The following LRRC4C variants were observed in gnomAD, a reference collection of about 807,000 sequenced individuals.
LRRC4C encodes leucine rich repeat containing 4C.
In LRRC4C, 5 loss-of-function variants were observed where a neutral mutation model predicts 33.6. That is an observed-to-expected ratio of 0.15 (90% CI 0.08 to 0.31). The LOEUF is 0.31. LRRC4C is among the 10% of genes least tolerant of loss of function. LRRC4C has a pLI of 1.00. For missense variants in LRRC4C, 560 were observed against 796.7 expected, an observed-to-expected ratio of 0.70 and a Z score of 3.58; for synonymous variants, 329 against 302.0, an observed-to-expected ratio of 1.09 and a Z score of -0.93.
At chr11:40,466,157 C>G (rs773927483) in intron 3 of LRRC4C, among the ~76,000 whole-genome samples, 32 of 151,996 alleles carry the variant, frequency 2.1e-4, no homozygotes, top group Admixed American at 7.9e-4. Flanking sequence ...TGAAACAACT[C>G]AAAAACAGAA....
At chr11:40,818,974 T>C (rs1474328959) in intron 2 of LRRC4C, among the ~76,000 whole-genome samples, 2 of 152,128 alleles carry the variant, frequency 1.3e-5, no homozygotes, top group Admixed American at 1.3e-4. Flanking sequence ...ATATGGATAA[T>C]GCCTATATAT....
intron 1 of LRRC4C, among the ~76,000 whole-genome samples, chr11:41,127,162 C>T (rs1942784009): frequency 1.3e-5 from 2 of 151,656 alleles, no homozygotes; most frequent in South Asian, 2.1e-4. Flanking sequence ...GCTAATAATT[C>T]TTATATTTAT....
At chr11:40,442,495 A>G (rs533533206) in intron 3 of LRRC4C, among the ~76,000 whole-genome samples, 1 of 152,310 alleles carries the variant, frequency 6.6e-6, no homozygotes, top group Non-Finnish European at 1.5e-5. Context: ...GATAAGATAA[A>G]TGCTAGGATA....
intron 1 of LRRC4C, among the ~76,000 whole-genome samples, chr11:41,349,990 G>T (rs1951922892): frequency 6.6e-6 from 1 of 152,092 alleles, no homozygotes. Flanking sequence ...ATAAAAGACA[G>T]CCAGATCCTC....
At chr11:40,525,242 C>CGA (rs1361090076) in intron 3 of LRRC4C, among the ~76,000 whole-genome samples, 1 of 151,992 alleles carries the variant, frequency 6.6e-6, no homozygotes, top group African/African-American at 2.4e-5. Context: ...GTCAGGAGAT[C>CGA]GAGACCATCC....
chr11:40,323,732 A>G (rs1945965633), intron 3 of LRRC4C, among the ~76,000 whole-genome samples: 1 of 152,188 alleles, frequency 6.6e-6, no homozygotes, highest in African/African-American at 2.4e-5. Context: ...TGGACAGAAC[A>G]CTGTGCTAAA....
intron 2 of LRRC4C, among the ~76,000 whole-genome samples, chr11:40,875,847 G>T (rs1055577227): frequency 2.0e-5 from 3 of 152,032 alleles, no homozygotes; most frequent in Non-Finnish European, 4.4e-5. Context: ...TAATATATAT[G>T]AAATGTTATA....
At chr11:41,107,807 G>A (rs1941595333) in intron 1 of LRRC4C, among the ~76,000 whole-genome samples, 1 of 152,006 alleles carries the variant, frequency 6.6e-6, no homozygotes, top group African/African-American at 2.4e-5. Flanking sequence ...GTGTGTTGAT[G>A]GCACCTGTAT....
At chr11:40,746,030 T>C (rs1948399840) in intron 2 of LRRC4C, among the ~76,000 whole-genome samples, 1 of 152,090 alleles carries the variant, frequency 6.6e-6, no homozygotes, top group Admixed American at 6.5e-5. Context: ...AACACTGGAA[T>C]TCAACAGAAA....
intron 2 of LRRC4C, among the ~76,000 whole-genome samples, chr11:40,837,192 C>A (rs1222444736): frequency 6.6e-6 from 1 of 152,090 alleles, no homozygotes; most frequent in Non-Finnish European, 1.5e-5. Flanking sequence ...CCTGTCTAGG[C>A]AGTTGTGACC....
intron 2 of LRRC4C, among the ~76,000 whole-genome samples, chr11:40,849,737 A>G (rs1953385403): frequency 6.6e-6 from 1 of 152,008 alleles, no homozygotes; most frequent in South Asian, 2.1e-4. Flanking sequence ...GTGTTTTCCA[A>G]CTTGATTCCA....
chr11:40,865,725 G>C (rs1954330848), intron 2 of LRRC4C, among the ~76,000 whole-genome samples: 1 of 151,740 alleles, frequency 6.6e-6, no homozygotes, highest in Non-Finnish European at 1.5e-5. Flanking sequence ...AGAATACCAA[G>C]AAGATAACAT....
intron 1 of LRRC4C, among the ~76,000 whole-genome samples, chr11:41,301,161 A>G (rs1455048425): frequency 2.6e-5 from 4 of 152,184 alleles, no homozygotes; most frequent in African/African-American, 9.7e-5. Flanking sequence ...GCTGTGCTTT[A>G]GTAAGGATAT....
chr11:41,049,582 T>C (rs1040649893), intron 1 of LRRC4C, among the ~76,000 whole-genome samples: 5 of 152,208 alleles, frequency 3.3e-5, no homozygotes, highest in African/African-American at 1.2e-4. Context: ...TGAGAAGTTA[T>C]GATATTAATC....
intron 3 of LRRC4C, among the ~76,000 whole-genome samples, chr11:40,345,390 T>C (rs1310525904): frequency 6.6e-6 from 1 of 151,948 alleles, no homozygotes; most frequent in South Asian, 2.1e-4. Context: ...ACAGAAATAA[T>C]GCCATATTCA....
intron 2 of LRRC4C, among the ~76,000 whole-genome samples, chr11:40,670,438 T>A (rs1383332171): frequency 6.6e-6 from 1 of 152,218 alleles, no homozygotes; most frequent in Non-Finnish European, 1.5e-5. Flanking sequence ...GAGAAGCATG[T>A]CTATATCAGA....
At chr11:40,624,476 C>T (rs1051873789) in intron 3 of LRRC4C, among the ~76,000 whole-genome samples, 1 of 152,106 alleles carries the variant, frequency 6.6e-6, no homozygotes, top group Non-Finnish European at 1.5e-5. Context: ...ACTCTGGTAA[C>T]ATTAGCAATC....
intron 1 of LRRC4C, among the ~76,000 whole-genome samples, chr11:40,991,610 G>A (rs1264798732): frequency 1.3e-5 from 2 of 152,134 alleles, no homozygotes; most frequent in South Asian, 2.1e-4. Context: ...GAATCAGTGG[G>A]AGCCCTGGGC....
At chr11:41,139,480 A>G (rs928213023) in intron 1 of LRRC4C, among the ~76,000 whole-genome samples, 5 of 152,242 alleles carry the variant, frequency 3.3e-5, no homozygotes, top group Non-Finnish European at 7.3e-5. Flanking sequence ...AATATTGAAG[A>G]GACTATTGAA....
Sources: gnomAD v4.1 joint callset for allele counts (sites outside exome capture counted in the v4.1 genomes callset) on GRCh38, gnomAD v4.1.1 for gene constraint, MANE v1.5 for transcripts, NCBI Gene and HGNC (gene_info 2026-07-23, HGNC 2026-07-21) for gene names.